HIVEP3: variants seen among roughly 807,000 people sequenced by gnomAD.
The protein encoded by HIVEP3 is HIVEP zinc finger 3.
Under a neutral mutation model 152.8 loss-of-function variants are expected in HIVEP3, and 49 were observed. The ratio of observed to expected loss-of-function variants is 0.32; its 90% CI spans 0.26 to 0.41. The LOEUF (loss-of-function observed/expected upper bound fraction) is 0.41, where lower values mean the gene tolerates loss of function less well. HIVEP3 is among the 10% of genes least tolerant of loss of function. The probability of loss-of-function intolerance (pLI) is 1.00; values close to 1 mark genes in which losing one functional copy is unlikely to be tolerated. For synonymous variants in HIVEP3, 1,269 were observed against 1,289.0 expected (o/e 0.98, Z 0.33); for missense variants, 2,790 against 3,103.3 (o/e 0.90, Z 2.40).
chr1:42,033,415 C>T (rs1645624396), intron 1 of HIVEP3, among the ~76,000 whole-genome samples: 2 of 152,282 alleles, frequency 1.3e-5, no homozygotes, highest in African/African-American at 2.4e-5. Flanking sequence ...ACTGCACTCC[C>T]ATGGGTAGCC....
intron 1 of HIVEP3, among the ~76,000 whole-genome samples, chr1:41,807,038 C>T (rs1263892076): frequency 1.3e-5 from 2 of 152,158 alleles, no homozygotes; most frequent in Non-Finnish European, 2.9e-5. Flanking sequence ...AGCCCACCTA[C>T]GGCTCTCCTC....
At chr1:41,818,205 C>G (rs1642468446) in intron 1 of HIVEP3, among the ~76,000 whole-genome samples, 1 of 152,202 alleles carries the variant, frequency 6.6e-6, no homozygotes, top group South Asian at 2.1e-4. Context: ...AAGTGGGTAA[C>G]AGCGTATGAA....
chr1:41,699,473 T>A (rs1646328185), intron 2 of HIVEP3, among the ~76,000 whole-genome samples: 1 of 152,208 alleles, frequency 6.6e-6, no homozygotes, highest in Non-Finnish European at 1.5e-5. Flanking sequence ...AACCTTGCTA[T>A]CAAGAAGAAG....
intron 4 of HIVEP3, among the ~76,000 whole-genome samples, chr1:41,576,770 G>A (rs1644333264): frequency 6.6e-6 from 1 of 152,188 alleles, no homozygotes. Flanking sequence ...TGGCACACTG[G>A]GCTGCCGTTT....
chr1:41,715,767 C>T (rs944866423), intron 1 of HIVEP3, among the ~76,000 whole-genome samples: 4 of 152,204 alleles, frequency 2.6e-5, no homozygotes, highest in Admixed American at 2.6e-4. Context: ...ATGGTTGGGC[C>T]TCAATAAACT....
At chr1:41,726,125 G>C (rs951001262) in intron 1 of HIVEP3, among the ~76,000 whole-genome samples, 3 of 152,170 alleles carry the variant, frequency 2.0e-5, no homozygotes, top group Non-Finnish European at 4.4e-5. Flanking sequence ...TATTAATTTT[G>C]ATGAGCAGTT....
At chr1:41,988,391 TA>T (rs149482586) in intron 1 of HIVEP3, among the ~76,000 whole-genome samples, 1,905 of 151,900 alleles carry the variant, frequency 0.013, 36 homozygotes, top group African/African-American at 0.045. Context: ...ATTAAGAAAA[TA>T]AATAACATGG....
chr1:41,986,781 C>T (rs898235312), intron 1 of HIVEP3, among the ~76,000 whole-genome samples: 1 of 152,100 alleles, frequency 6.6e-6, no homozygotes, highest in Non-Finnish European at 1.5e-5. Flanking sequence ...TTAATTGCTG[C>T]CCATTTCATA....
chr1:41,819,273 A>G (rs1429633115), intron 1 of HIVEP3, among the ~76,000 whole-genome samples: 1 of 152,082 alleles, frequency 6.6e-6, no homozygotes, highest in Non-Finnish European at 1.5e-5. Context: ...GTGCTTTGCC[A>G]TTTAACCACA....
intron 1 of HIVEP3, among the ~76,000 whole-genome samples, chr1:41,786,548 C>T (rs1002899597): frequency 3.9e-5 from 6 of 152,256 alleles, no homozygotes; most frequent in Non-Finnish European, 5.9e-5. Context: ...TTTATGGCAA[C>T]GCAGATACAC....
intron 1 of HIVEP3, among the ~76,000 whole-genome samples, chr1:41,949,480 C>CA (rs1008358719): frequency 2.6e-5 from 4 of 152,114 alleles, no homozygotes; most frequent in African/African-American, 9.7e-5. Context: ...GGCTAATCGC[C>CA]AAAAGAGGGG....
chr1:41,924,167 C>T (rs1307934278), intron 1 of HIVEP3, among the ~76,000 whole-genome samples: 2 of 152,164 alleles, frequency 1.3e-5, no homozygotes, highest in African/African-American at 4.8e-5. Flanking sequence ...AACGTGACTA[C>T]AGCGGCTGAG....
chr1:41,973,852 G>A (rs567692625), intron 1 of HIVEP3, among the ~76,000 whole-genome samples: 21 of 152,300 alleles, frequency 1.4e-4, no homozygotes, highest in Admixed American at 2.0e-4. Context: ...AAAGGATGGC[G>A]TCACCAGCAT....
rs529344415 is a variant in HIVEP3 at position 41,523,212 on chromosome 1, G to A, written c.5383+1523C>T. Among the ~76,000 whole-genome samples, 36 of 152,354 alleles carry A rather than the reference G, an allele frequency of 2.4e-4. No homozygotes were observed. The East Asian group carries it at 2.9e-3, about 12-fold the overall frequency. On this transcript the variant is annotated intron_variant, in intron 6 of 8. Coordinates refer to ENST00000372583, the MANE Select transcript of HIVEP3 (RefSeq NM_024503.5). ...GCCAGAGGAAGTGCGGTTGGAGGGCGTGTCAGGGACAGCCCATGTCCAGGG... is the reference window on the plus strand; with the variant it reads ...GCCAGAGGAAGTGCGGTTGGAGGGCATGTCAGGGACAGCCCATGTCCAGGG...
intron 1 of HIVEP3, among the ~76,000 whole-genome samples, chr1:41,989,273 G>A (rs1260900097): frequency 6.6e-6 from 1 of 152,056 alleles, no homozygotes; most frequent in African/African-American, 2.4e-5. Context: ...TAATTAGCTT[G>A]ATTTAGTTAT....
At chr1:41,679,058 C>T (rs1315478042) in intron 2 of HIVEP3, among the ~76,000 whole-genome samples, 4 of 152,220 alleles carry the variant, frequency 2.6e-5, no homozygotes, top group East Asian at 1.9e-4. Context: ...ACAAGGGATA[C>T]ATCTCAAGGA....
At chr1:41,881,842 A>G (rs1346125140) in intron 1 of HIVEP3, among the ~76,000 whole-genome samples, 1 of 152,212 alleles carries the variant, frequency 6.6e-6, no homozygotes. Flanking sequence ...ATTTGGGTTG[A>G]TAAGTAGAAG....
In HIVEP3 at chr1:41,538,208, A is replaced by G. The variant is rs538761464; in HGVS notation, c.5208-13298T>C. Among the ~76,000 whole-genome samples the G allele has an allele frequency of 1.1e-4, 16 of 152,198 alleles. No individual in the cohort carries two copies. In the East Asian group the frequency reaches 3.1e-3, roughly 29 times the overall value. On this transcript the variant is annotated intron_variant, in intron 5 of 8. Coordinates refer to ENST00000372583, the MANE Select transcript of HIVEP3 (RefSeq NM_024503.5). ...TCAGACCTGAGACTCCTGTTTTATG[A>G]GTCTCCGCCTGAGTGCAGTGTGGAG...
chr1:42,007,649 G>T (rs1266010765), intron 1 of HIVEP3, among the ~76,000 whole-genome samples: 1 of 152,174 alleles, frequency 6.6e-6, no homozygotes, highest in Non-Finnish European at 1.5e-5. Flanking sequence ...TGGGTGATGG[G>T]AGAAGACACT....
Sources: gnomAD v4.1 joint callset for allele counts (sites outside exome capture counted in the v4.1 genomes callset) on GRCh38, gnomAD v4.1.1 for gene constraint, MANE v1.5 for transcripts, NCBI Gene and HGNC (gene_info 2026-07-23, HGNC 2026-07-21) for gene names.